Variants in USH2A observed in about 807,000 individuals in gnomAD.
The protein encoded by USH2A is usherin, also known as Usher syndrome 2A (autosomal recessive, mild).
A neutral mutation model predicts 538.9 loss-of-function variants in USH2A; 443 were observed. The ratio of observed to expected loss-of-function variants is 0.82; its 90% CI spans 0.76 to 0.89. The LOEUF is 0.89. Ranked by LOEUF, USH2A falls within the 40% of genes least tolerant of loss-of-function variation. The pLI, the probability that USH2A is intolerant of heterozygous loss-of-function variation, is 0.00. For missense variants in USH2A, 6,633 were observed against 6,324.8 expected, an observed-to-expected ratio of 1.05 and a Z score of -1.65; for synonymous variants, 2,413 against 2,273.5, an observed-to-expected ratio of 1.06 and a Z score of -1.75.
At chr1:215,751,324 G>A (rs372514496) in intron 58 of USH2A, among the ~76,000 whole-genome samples, 3 of 152,024 alleles carry the variant, frequency 2.0e-5, no homozygotes, top group East Asian at 3.8e-4. Flanking sequence ...CTTTAATGGA[G>A]TAAGATATTA....
chr1:215,936,611 T>C (rs919180653), intron 37 of USH2A, among the ~76,000 whole-genome samples: 1 of 152,076 alleles, frequency 6.6e-6, no homozygotes, highest in African/African-American at 2.4e-5. Context: ...CTAGGAATGA[T>C]GTTATTGTTT....
At chr1:215,818,086 T>C (rs991074940) in intron 47 of USH2A, among the ~76,000 whole-genome samples, 18 of 151,970 alleles carry the variant, frequency 1.2e-4, no homozygotes, top group Non-Finnish European at 1.6e-4. Flanking sequence ...AAGAATATAG[T>C]ATAAATATAT....
At chr1:216,409,652 A>G (rs2102771053) in intron 3 of USH2A, among the ~76,000 whole-genome samples, 1 of 152,164 alleles carries the variant, frequency 6.6e-6, no homozygotes, top group South Asian at 2.1e-4. Context: ...TATTCAATAA[A>G]TGTTGGGATA....
intron 43 of USH2A, among the ~76,000 whole-genome samples, chr1:215,870,849 TAATA>T (rs1664608054): frequency 1.3e-5 from 2 of 152,154 alleles, no homozygotes; most frequent in Admixed American, 6.5e-5. Flanking sequence ...ACATTCCATT[TAATA>T]AATGATAAAA....
intron 5 of USH2A, 70 bp downstream of exon 5, chr1:216,327,521 T>C (rs961533183): frequency 3.3e-6 from 5 of 1,530,948 alleles, no homozygotes; most frequent in South Asian, 2.2e-5. Context: ...ATCTACATAG[T>C]ATTCTTATTT....
At chr1:215,896,230 T>C (rs1449489420) in intron 40 of USH2A, among the ~76,000 whole-genome samples, 1 of 152,138 alleles carries the variant, frequency 6.6e-6, no homozygotes, top group Non-Finnish European at 1.5e-5. Flanking sequence ...AAACTACAAA[T>C]TTGGGAAACG....
chr1:216,172,745 C>T (rs543970818), intron 21 of USH2A, among the ~76,000 whole-genome samples: 13 of 152,230 alleles, frequency 8.5e-5, no homozygotes, highest in South Asian at 4.1e-4. Context: ...AATGCCAACA[C>T]TACTTGCTGT....
intron 13 of USH2A, among the ~76,000 whole-genome samples, chr1:216,234,545 A>G (rs1318468694): frequency 6.6e-6 from 1 of 152,090 alleles, no homozygotes; most frequent in Non-Finnish European, 1.5e-5. Context: ...ATTCAAGGCC[A>G]CTGTGGTTGT....
chr1:215,676,204 A>C (rs1015033965), intron 62 of USH2A, among the ~76,000 whole-genome samples: 1 of 152,098 alleles, frequency 6.6e-6, no homozygotes, highest in African/African-American at 2.4e-5. Context: ...CATGTATATA[A>C]ATCTTTATGA....
In USH2A at chr1:216,175,133, G is replaced by A. The variant is rs943613412; in HGVS notation, c.4627+119C>T. 3.3e-6 allele frequency: 5 copies of A among 1,528,998 alleles called. No homozygotes were observed. The African/African-American group carries it at 6.9e-5, about 21-fold the overall frequency. The allele number at this position is 1,528,998 out of a possible 1,614,324, so 94.7% of individuals were successfully genotyped here. A position where few individuals can be genotyped will look rare whatever the true frequency, so the allele number is the denominator to read the frequency against. On this transcript the variant is annotated intron_variant, in intron 21 of 71. Transcript: ENST00000307340. ...ACAATCAGGCAAAAGCTATCAAAGG[G>A]CTGAATTAGTATTTCTCTAAGTAGG...
At chr1:216,263,160 A>G (rs1247226224) in intron 11 of USH2A, among the ~76,000 whole-genome samples, 1 of 152,162 alleles carries the variant, frequency 6.6e-6, no homozygotes, top group South Asian at 2.1e-4. Context: ...AGAAAAGTCC[A>G]GGATCAATGG....
intron 67 of USH2A, among the ~76,000 whole-genome samples, chr1:215,644,059 A>C (rs1320566560): frequency 6.6e-6 from 1 of 152,246 alleles, no homozygotes; most frequent in Non-Finnish European, 1.5e-5. Flanking sequence ...AGCACACATT[A>C]AGAATCATTA....
intron 40 of USH2A, among the ~76,000 whole-genome samples, chr1:215,894,281 T>C (rs1571789094): frequency 6.6e-6 from 1 of 152,196 alleles, no homozygotes; most frequent in African/African-American, 2.4e-5. Context: ...TTCCTTGTGT[T>C]GCGTAGAATG....
intron 35 of USH2A, among the ~76,000 whole-genome samples, chr1:215,974,207 C>T (rs1667565976): frequency 1.3e-5 from 2 of 152,096 alleles, no homozygotes; most frequent in South Asian, 2.1e-4. Flanking sequence ...ATTAACATGA[C>T]AATTTTAACT....
intron 62 of USH2A, among the ~76,000 whole-genome samples, chr1:215,677,767 T>C (rs1259138599): frequency 6.6e-6 from 1 of 152,168 alleles, no homozygotes; most frequent in Non-Finnish European, 1.5e-5. Flanking sequence ...GATCCCAGAC[T>C]CTCAACAGGT....
chr1:215,716,349 A>G (rs865946515), intron 61 of USH2A, among the ~76,000 whole-genome samples: 1 of 152,214 alleles, frequency 6.6e-6, no homozygotes, highest in Non-Finnish European at 1.5e-5. Context: ...CCTGCTTTCT[A>G]TCCCCATTCA....
intron 26 of USH2A, among the ~76,000 whole-genome samples, chr1:216,082,911 T>C (rs1304796067): frequency 6.6e-6 from 1 of 152,108 alleles, no homozygotes; most frequent in Non-Finnish European, 1.5e-5. Flanking sequence ...TTGTAGGCAT[T>C]CATTAGGTGT....
intron 49 of USH2A, among the ~76,000 whole-genome samples, chr1:215,806,656 C>A (rs1662509958): frequency 6.6e-6 from 1 of 151,742 alleles, no homozygotes; most frequent in Non-Finnish European, 1.5e-5. Context: ...GCATAACACC[C>A]CATTATCCCC....
intron 3 of USH2A, among the ~76,000 whole-genome samples, chr1:216,390,050 G>A (rs531236581): frequency 6.6e-6 from 1 of 152,208 alleles, no homozygotes; most frequent in Admixed American, 6.5e-5. Context: ...GCCAGTAAAT[G>A]TAGAGAAAAT....
Sources: allele counts gnomAD v4.1 joint callset (sites outside exome capture counted in the v4.1 genomes callset), GRCh38; gene constraint gnomAD v4.1.1; transcripts MANE v1.5; gene names NCBI Gene and HGNC (gene_info 2026-07-23, HGNC 2026-07-21).